Variants in TRDN observed in about 807,000 individuals in gnomAD.
TRDN encodes triadin, also known as triadin in skeletal muscle.
TRDN carries 161 observed loss-of-function variants against 149.7 expected under a neutral mutation model. The ratio of observed to expected loss-of-function variants is 1.08; its 90% CI spans 0.95 to 1.23. The LOEUF is 1.23. TRDN is among the 50% of genes most tolerant of loss of function. TRDN has a pLI of 0.00. For missense variants in TRDN, 896 were observed against 823.5 expected (o/e 1.09, Z -1.08); for synonymous variants, 294 against 250.5 (o/e 1.17, Z -1.64).
intron 10 of TRDN, among the ~76,000 whole-genome samples, chr6:123,444,016 C>A (rs9388242): frequency 6.7e-6 from 1 of 149,984 alleles, no homozygotes; most frequent in Non-Finnish European, 1.5e-5. Context: ...CTTTTTTGGT[C>A]CCATATGAAC....
intron 1 of TRDN, among the ~76,000 whole-genome samples, chr6:123,603,403 C>CT (rs963380852): frequency 6.6e-5 from 10 of 151,172 alleles, no homozygotes; most frequent in East Asian, 3.9e-4. Flanking sequence ...CTGTTTTACT[C>CT]TTTTTTTTTC....
At chr6:123,241,699 T>G (rs1221043819) in intron 38 of TRDN, among the ~76,000 whole-genome samples, 1 of 152,034 alleles carries the variant, frequency 6.6e-6, no homozygotes, top group African/African-American at 2.4e-5. Flanking sequence ...TATAAAGTAG[T>G]AAACTTCTAG....
intron 12 of TRDN, among the ~76,000 whole-genome samples, chr6:123,423,686 G>C (rs2114549541): frequency 6.6e-6 from 1 of 152,224 alleles, no homozygotes; most frequent in African/African-American, 2.4e-5. Flanking sequence ...CAGGGGAATA[G>C]TACTTTCCAG....
At chr6:123,301,774 T>TATATATATAC (rs1778433110) in intron 24 of TRDN, among the ~76,000 whole-genome samples, 2 of 138,658 alleles carry the variant, frequency 1.4e-5, no homozygotes, top group Non-Finnish European at 3.1e-5. Flanking sequence ...TATATACATA[T>TATATATATAC]ATATATATAT....
At chr6:123,257,521 T>C (rs566628864) in intron 35 of TRDN, among the ~76,000 whole-genome samples, 24 of 152,276 alleles carry the variant, frequency 1.6e-4, no homozygotes, top group African/African-American at 5.5e-4. Context: ...TTGGTACCAG[T>C]ACCATGCTGT....
At chr6:123,609,722 C>T (rs1011704758) in intron 1 of TRDN, among the ~76,000 whole-genome samples, 4 of 152,100 alleles carry the variant, frequency 2.6e-5, no homozygotes, top group Non-Finnish European at 5.9e-5. Context: ...GAGAATGTTC[C>T]CACTTTTGTC....
At chr6:123,300,243 G>T (rs1380518650) in intron 24 of TRDN, among the ~76,000 whole-genome samples, 1 of 151,920 alleles carries the variant, frequency 6.6e-6, no homozygotes, top group Non-Finnish European at 1.5e-5. Context: ...GGAAAGAAAA[G>T]AGCATTATTT....
At chr6:123,569,525 TAAAG>T (rs1313224487) in intron 2 of TRDN, among the ~76,000 whole-genome samples, 3 of 152,196 alleles carry the variant, frequency 2.0e-5, no homozygotes, top group African/African-American at 7.2e-5. Flanking sequence ...TGCATTGCTA[TAAAG>T]AAATACTTAA....
intron 1 of TRDN, among the ~76,000 whole-genome samples, chr6:123,572,776 G>T (rs1782649733): frequency 6.6e-6 from 1 of 152,016 alleles, no homozygotes; most frequent in Admixed American, 6.6e-5. Context: ...TACATGCCAA[G>T]AAAGAAAACT....
At chr6:123,537,857 G>C (rs552752168) in intron 4 of TRDN, among the ~76,000 whole-genome samples, 1 of 152,252 alleles carries the variant, frequency 6.6e-6, no homozygotes, top group African/African-American at 2.4e-5. Flanking sequence ...CATGTGTTTT[G>C]CTTATGATCG....
intron 32 of TRDN, among the ~76,000 whole-genome samples, chr6:123,266,275 A>C (rs1776966206): frequency 6.7e-5 from 2 of 29,960 alleles, no homozygotes; most frequent in Non-Finnish European, 1.4e-4. Context: ...ATATAGTAAT[A>C]TATATTATAT....
At chr6:123,482,047 G>T (rs548003915) in intron 9 of TRDN, among the ~76,000 whole-genome samples, 1 of 152,056 alleles carries the variant, frequency 6.6e-6, no homozygotes, top group East Asian at 1.9e-4. Flanking sequence ...CCTCCCTTCC[G>T]CTTTGTTTCC....
intron 4 of TRDN, 102 bp downstream of exon 4, chr6:123,547,238 A>G (rs925728719): frequency 2.9e-5 from 22 of 754,324 alleles, no homozygotes; most frequent in Non-Finnish European, 4.3e-5. Flanking sequence ...ATTATTAAAC[A>G]AAACCTTTAT....
At chr6:123,534,878 A>C (rs1583203746) in intron 4 of TRDN, among the ~76,000 whole-genome samples, 1 of 152,144 alleles carries the variant, frequency 6.6e-6, no homozygotes, top group East Asian at 1.9e-4. Flanking sequence ...ACCTGAACCA[A>C]ACCTGGATAC....
Position 123,250,772 on chromosome 6 carries a change from A to G in TRDN, c.1975+1640T>C, listed in dbSNP as rs75868608. Among the ~76,000 whole-genome samples the G allele has an allele frequency of 1.2e-4, 18 of 152,154 alleles. No homozygotes were observed. In the East Asian group the frequency reaches 3.3e-3, roughly 28 times the overall value. ...TATTACTATGAAGTTAGGTGTCCCA[A>G]TAATTCCTTGACTTTTTACTTCCTT... On this transcript the variant is annotated intron_variant, in intron 38 of 40. Coordinates refer to ENST00000334268, the MANE Select transcript of TRDN (RefSeq NM_006073.4).
intron 6 of TRDN, among the ~76,000 whole-genome samples, chr6:123,513,302 C>T (rs147220545): frequency 1.3e-3 from 191 of 152,298 alleles, no homozygotes; most frequent in African/African-American, 4.3e-3. Flanking sequence ...AATAACATAT[C>T]TCCTAAAAAG....
chr6:123,308,338 G>GTGT (rs1554222206), intron 24 of TRDN, among the ~76,000 whole-genome samples: 1 of 137,230 alleles, frequency 7.3e-6, no homozygotes, highest in Non-Finnish European at 1.6e-5. Flanking sequence ...GCACGTGTGT[G>GTGT]TTTTTTTTTT....
intron 20 of TRDN, among the ~76,000 whole-genome samples, chr6:123,363,379 A>G (rs1184269481): frequency 6.6e-6 from 1 of 152,182 alleles, no homozygotes; most frequent in African/African-American, 2.4e-5. Context: ...AAATGAGAAA[A>G]GTATCCTTTG....
At chr6:123,626,325 A>G (rs1785663693) in intron 1 of TRDN, among the ~76,000 whole-genome samples, 1 of 152,076 alleles carries the variant, frequency 6.6e-6, no homozygotes, top group Admixed American at 6.6e-5. Context: ...CTACAAAAAC[A>G]TACAAAAATT....
Sources: gnomAD v4.1 joint callset for allele counts (sites outside exome capture counted in the v4.1 genomes callset) on GRCh38, gnomAD v4.1.1 for gene constraint, MANE v1.5 for transcripts, NCBI Gene and HGNC (gene_info 2026-07-23, HGNC 2026-07-21) for gene names.